Variants in SLC22A24 observed in about 807,000 individuals in gnomAD.
The protein encoded by SLC22A24 is steroid transmembrane transporter SLC22A24.
A neutral mutation model predicts 49.8 loss-of-function variants in SLC22A24; 53 were observed. That is an observed-to-expected ratio of 1.06 (90% CI 0.85 to 1.34). SLC22A24 has a LOEUF of 1.34. SLC22A24 is among the 40% of genes most tolerant of loss of function. SLC22A24 has a pLI of 0.00. For missense variants in SLC22A24, 786 were observed against 675.9 expected (o/e 1.16, Z -1.81); for synonymous variants, 302 against 256.4 (o/e 1.18, Z -1.70).
chr11:63,095,850 C>T lies in SLC22A24; in HGVS notation c.1070+141G>A. 5 of 642,490 alleles carry T rather than the reference C, an allele frequency of 7.8e-6. No individual in the cohort carries two copies. In the South Asian group the frequency reaches 7.9e-5, roughly 10 times the overall value. The allele number at this position is 642,490 out of a possible 1,614,324, so 39.8% of individuals were successfully genotyped here. A position where few individuals can be genotyped will look rare whatever the true frequency, so the allele number is the denominator to read the frequency against. ...TATTAGGCTATCTAAAAATGTGGCA[C>T]TTAGAGGCATACATTTGTATGTGAT... On this transcript the variant is annotated intron_variant, in intron 6 of 9. Coordinates refer to ENST00000612278, the MANE Select transcript of SLC22A24 (RefSeq NM_001136506.2).
At chr11:63,136,327 A>C (rs2087374208) in intron 1 of SLC22A24, among the ~76,000 whole-genome samples, 2 of 152,204 alleles carry the variant, frequency 1.3e-5, no homozygotes, top group African/African-American at 4.8e-5. Flanking sequence ...TGAAACCATT[A>C]CATCTGAGAA....
chr11:63,094,903 T>G (rs577330928), intron 6 of SLC22A24, among the ~76,000 whole-genome samples: 2 of 152,208 alleles, frequency 1.3e-5, no homozygotes, highest in Non-Finnish European at 2.9e-5. Context: ...ATGAGTAGGT[T>G]GCAACAATTT....
At chr11:63,141,140 C>A (rs2087412940) in intron 1 of SLC22A24, among the ~76,000 whole-genome samples, 1 of 152,066 alleles carries the variant, frequency 6.6e-6, no homozygotes, top group Non-Finnish European at 1.5e-5. Context: ...TTATAAAAAT[C>A]TTATCTTATG....
chr11:63,137,293 G>A (rs779165099), intron 1 of SLC22A24, among the ~76,000 whole-genome samples: 4 of 152,164 alleles, frequency 2.6e-5, no homozygotes, highest in Non-Finnish European at 5.9e-5. Context: ...CTTGGCTAGG[G>A]ATCTGATTTG....
intron 4 of SLC22A24, among the ~76,000 whole-genome samples, chr11:63,115,645 A>G (rs564384304): frequency 1.3e-5 from 2 of 152,320 alleles, no homozygotes; most frequent in East Asian, 1.9e-4. Flanking sequence ...CATCTTCTGC[A>G]TCGATCACAC....
intron 2 of SLC22A24, among the ~76,000 whole-genome samples, chr11:63,121,432 G>A (rs571418899): frequency 6.6e-6 from 1 of 151,966 alleles, no homozygotes; most frequent in Non-Finnish European, 1.5e-5. Flanking sequence ...AAAAATTGTT[G>A]GGGGATCACT....
chr11:63,124,959 G>A (rs943278474), intron 2 of SLC22A24, among the ~76,000 whole-genome samples: 2 of 151,676 alleles, frequency 1.3e-5, no homozygotes, highest in Non-Finnish European at 2.9e-5. Flanking sequence ...GTTGCGGGGT[G>A]GGGGGAGTGG....
At chr11:63,087,062 GGAGAGAGA>G (rs139630125) in intron 6 of SLC22A24, among the ~76,000 whole-genome samples, 1 of 136,974 alleles carries the variant, frequency 7.3e-6, no homozygotes, top group African/African-American at 2.8e-5. Flanking sequence ...ACACACAGAG[GGAGAGAGA>G]GAGAGAGAGA....
At chr11:63,141,209 A>G (rs905376579) in intron 1 of SLC22A24, among the ~76,000 whole-genome samples, 2 of 152,258 alleles carry the variant, frequency 1.3e-5, no homozygotes, top group East Asian at 3.8e-4. Context: ...ACAAACTTTA[A>G]CATTAAAGAT....
At chr11:63,097,478 G>A (rs2087062677) in intron 5 of SLC22A24, among the ~76,000 whole-genome samples, 1 of 152,188 alleles carries the variant, frequency 6.6e-6, no homozygotes, top group South Asian at 2.1e-4. Context: ...CCATGGGAGT[G>A]TAAATTAGGT....
At chr11:63,117,882 GCCC>G (rs1221287548) in intron 4 of SLC22A24, among the ~76,000 whole-genome samples, 2 of 152,128 alleles carry the variant, frequency 1.3e-5, no homozygotes, top group Non-Finnish European at 2.9e-5. Flanking sequence ...GGGTGTTGGC[GCCC>G]CCAACACTCT....
At chr11:63,110,364 G>A (rs1238151664) in intron 4 of SLC22A24, among the ~76,000 whole-genome samples, 1 of 152,132 alleles carries the variant, frequency 6.6e-6, no homozygotes, top group Non-Finnish European at 1.5e-5. Flanking sequence ...GTTTAAAGTA[G>A]TTTTTTCCAA....
intron 2 of SLC22A24, 112 bp from the exon 3 acceptor site, chr11:63,119,447 TG>T: frequency 2.8e-6 from 3 of 1,061,632 alleles, no homozygotes; most frequent in Non-Finnish European, 4.0e-6. Context: ...AAGTGGAACA[TG>T]GTGCTTGACA....
intron 2 of SLC22A24, among the ~76,000 whole-genome samples, chr11:63,133,447 A>G (rs55971395): frequency 0.024 from 3,598 of 152,180 alleles, 124 homozygotes; most frequent in African/African-American, 0.08. Flanking sequence ...CCATCTTGGA[A>G]GTGATCCCAG....
intron 4 of SLC22A24, among the ~76,000 whole-genome samples, chr11:63,117,946 C>A (rs2087223300): frequency 6.6e-6 from 1 of 152,162 alleles, no homozygotes; most frequent in Non-Finnish European, 1.5e-5. Context: ...TAATTTTCAA[C>A]TCTTTGTTAA....
chr11:63,130,691 G>C (rs2087327892), intron 2 of SLC22A24, among the ~76,000 whole-genome samples: 1 of 152,082 alleles, frequency 6.6e-6, no homozygotes, highest in Admixed American at 6.6e-5. Context: ...CTTCTTCCTG[G>C]TTTAGTCTTG....
rs2087051411 is a variant in SLC22A24, at chr11:63,095,949, T to C, written c.1070+42A>G. The C allele has an allele frequency of 3.7e-6, 5 of 1,338,816 alleles. No individual in the cohort carries two copies. In the African/African-American group the frequency reaches 4.4e-5, roughly 12 times the overall value. The allele number at this position is 1,338,816 out of a possible 1,614,324, so 82.9% of individuals were successfully genotyped here. On this transcript the variant is annotated intron_variant, in intron 6 of 9. Transcript: ENST00000612278. ...TTTTGAAAGAAGAAACAGTTTTGTG[T>C]CTCCAATATTTTAAAGTGAATCATC...
intron 4 of SLC22A24, among the ~76,000 whole-genome samples, chr11:63,105,649 G>T (rs1332713156): frequency 6.6e-6 from 1 of 152,128 alleles, no homozygotes; most frequent in Non-Finnish European, 1.5e-5. Flanking sequence ...GATGCACACA[G>T]CAGGGGTCCC....
intron 4 of SLC22A24, among the ~76,000 whole-genome samples, chr11:63,105,816 C>G (rs1204686732): frequency 1.3e-5 from 2 of 152,152 alleles, no homozygotes; most frequent in Admixed American, 6.5e-5. Flanking sequence ...GTTTCTGCAG[C>G]AGGCTTGAAT....
Sources: allele counts gnomAD v4.1 joint callset (sites outside exome capture counted in the v4.1 genomes callset), GRCh38; gene constraint gnomAD v4.1.1; transcripts MANE v1.5; gene names NCBI Gene and HGNC (gene_info 2026-07-23, HGNC 2026-07-21).